GPR55: variants seen among roughly 807,000 people sequenced by gnomAD.
GPR55 encodes G protein-coupled receptor 55.
In GPR55, 6 loss-of-function variants were observed where a neutral mutation model predicts 7.9. The observed-to-expected ratio is 0.76, with a 90% CI of 0.41 to 1.49. The LOEUF (loss-of-function observed/expected upper bound fraction) is 1.49. GPR55 is among the 40% of genes most tolerant of loss of function. The pLI is 0.01. For missense variants in GPR55, 376 were observed against 406.0 expected, an observed-to-expected ratio of 0.93 and a Z score of 0.63; for synonymous variants, 183 against 166.8, an observed-to-expected ratio of 1.10 and a Z score of -0.75.
chr2:230,959,291 T>A (rs746050978), intron 1 of GPR55, among the ~76,000 whole-genome samples: 14 of 151,134 alleles, frequency 9.3e-5, no homozygotes, highest in Admixed American at 2.0e-4. Flanking sequence ...AGAAGAAAAA[T>A]TTAAAAATTA....
chr2:230,935,562 T>C (rs1691120214), intron 1 of GPR55, among the ~76,000 whole-genome samples: 1 of 152,132 alleles, frequency 6.6e-6, no homozygotes. Context: ...CCCATCCAGA[T>C]GTCAACACAC....
intron 1 of GPR55, among the ~76,000 whole-genome samples, chr2:230,932,838 C>T (rs1691070591): frequency 6.6e-6 from 1 of 152,160 alleles, no homozygotes; most frequent in Non-Finnish European, 1.5e-5. Context: ...TCTGCACATC[C>T]CTGTAGCTGT....
At position 230,919,312 on chromosome 2, in the gene GPR55, CA is replaced by C. The variant is rs961659512; in HGVS notation, c.-135+5855del. Among the ~76,000 whole-genome samples, 425 of 151,928 alleles carry C rather than the reference CA, an allele frequency of 2.8e-3. 1 individual carries two copies. Among genetic ancestry groups the C allele is most frequent in the African/African-American group, 9.5e-3 (394 of 41,478 alleles). ...AATAAACAGGACAGGTTTGACTGCACAAAAAAAATTCTTTTTGCTAAAAAGT... is the reference window on the plus strand; with the variant it reads ...AATAAACAGGACAGGTTTGACTGCACAAAAAAATTCTTTTTGCTAAAAAGT... On this transcript the variant is annotated intron_variant, in intron 1 of 1. Transcript: ENST00000650999.
upstream of GPR55, among the ~76,000 whole-genome samples, chr2:230,927,007 A>G (rs1349431735): frequency 6.6e-6 from 1 of 152,160 alleles, no homozygotes; most frequent in African/African-American, 2.4e-5. Context: ...ACCTTCTTTT[A>G]AGAAATGAAT....
In GPR55 at chr2:230,910,971, C is replaced by T; in HGVS notation, c.-9G>A. ...GTGTTTTGCTGACTCATGTTTCTTC[C>T]TACAACACCAACAGATCAGACGGGG... On this transcript the variant is annotated 5_prime_UTR_variant, in exon 2 of 2. Transcript: ENST00000650999. The surrounding 1 kb of genome is among the most constrained non-coding windows in gnomAD (Gnocchi z 5.4). 1 of 1,585,884 alleles carries T rather than the reference C, an allele frequency of 6.3e-7. No homozygotes were observed.
chr2:230,945,280 T>A (rs75749698), intron 1 of GPR55, among the ~76,000 whole-genome samples: 5,720 of 151,976 alleles, frequency 0.038, 407 homozygotes, highest in East Asian at 0.34. Context: ...GAGGACTGAG[T>A]TCCGGGAGGC....
intron 1 of GPR55, among the ~76,000 whole-genome samples, chr2:230,919,965 A>G (rs1356880578): frequency 6.6e-6 from 1 of 150,414 alleles, no homozygotes; most frequent in East Asian, 1.9e-4. Context: ...TTAAAATTAC[A>G]AAAACCCACG....
intron 1 of GPR55, among the ~76,000 whole-genome samples, chr2:230,934,744 C>T (rs1314686641): frequency 6.6e-6 from 1 of 152,064 alleles, no homozygotes; most frequent in African/African-American, 2.4e-5. Flanking sequence ...GGATGGGACT[C>T]CTGGGGGGAC....
intron 1 of GPR55, among the ~76,000 whole-genome samples, chr2:230,954,504 GTATATAT>G (rs1691451781): frequency 6.6e-6 from 1 of 152,196 alleles, no homozygotes; most frequent in Non-Finnish European, 1.5e-5. Context: ...AATAGTAGAT[GTATATAT>G]TTATGGGGTA....
At chr2:230,915,277 C>G (rs1259913090) in intron 1 of GPR55, among the ~76,000 whole-genome samples, 1 of 152,214 alleles carries the variant, frequency 6.6e-6, no homozygotes, top group African/African-American at 2.4e-5. Context: ...AAGGAGCCAT[C>G]CCAGTGCTGC....
At chr2:230,956,550 T>G (rs538410996) in intron 1 of GPR55, among the ~76,000 whole-genome samples, 1 of 152,184 alleles carries the variant, frequency 6.6e-6, no homozygotes, top group Non-Finnish European at 1.5e-5. Flanking sequence ...TCACTAAATA[T>G]ATATACATTT....
At chr2:230,960,281 C>T (rs1691548214) in intron 1 of GPR55, among the ~76,000 whole-genome samples, 1 of 152,050 alleles carries the variant, frequency 6.6e-6, no homozygotes, top group Non-Finnish European at 1.5e-5. Context: ...TTTAGACTGA[C>T]AAGATAAGAA....
chr2:230,931,094 G>C (rs1691031175), intron 1 of GPR55, among the ~76,000 whole-genome samples: 1 of 152,110 alleles, frequency 6.6e-6, no homozygotes, highest in African/African-American at 2.4e-5. Context: ...TTTGTCCTGA[G>C]AGCCTTACCC....
intron 1 of GPR55, among the ~76,000 whole-genome samples, chr2:230,954,200 G>A (rs143331403): frequency 6.6e-6 from 1 of 152,220 alleles, no homozygotes; most frequent in Non-Finnish European, 1.5e-5. Context: ...GGTGGACCAC[G>A]TGCATCCTTG....
chr2:230,924,722 A>T lies in GPR55; in HGVS notation c.-135+446T>A, dbSNP rs932941958. ...GTAAGCACTTGCTCAGGGCTGCAGGATGATCCCTGAGAGTGTGTCATCTCG... is the reference window on the plus strand; with the variant it reads ...GTAAGCACTTGCTCAGGGCTGCAGGTTGATCCCTGAGAGTGTGTCATCTCG... On this transcript the variant is annotated intron_variant, in intron 1 of 1. Transcript: ENST00000650999. The surrounding 1 kb of genome is among the most constrained non-coding windows in gnomAD (Gnocchi z 4.5). 2 of 152,032 alleles carry T rather than the reference A, an allele frequency of 1.3e-5. No homozygotes were observed. The highest frequency in any genetic ancestry group is 4.8e-5 in the African/African-American group (2 of 41,376). The allele number at this position is 152,032 out of a possible 1,614,324, so 9.4% of individuals were successfully genotyped here.
intron 1 of GPR55, among the ~76,000 whole-genome samples, chr2:230,938,413 A>AT (rs1225064643): frequency 7.0e-6 from 1 of 141,882 alleles, no homozygotes; most frequent in Non-Finnish European, 1.6e-5. Flanking sequence ...AAAAAAAAAA[A>AT]CAAAGAAAGA....
rs1361464716 is a variant in GPR55, at chr2:230,930,266, C to T, written c.-134-19170G>A. Among the ~76,000 whole-genome samples the T allele has an allele frequency of 2.0e-5, 3 of 152,304 alleles. No individual in the cohort carries two copies. The East Asian group carries it at 5.8e-4, about 29-fold the overall frequency. On this transcript the variant is annotated intron_variant, in intron 1 of 1. Coordinates refer to the GPR55 transcript ENST00000392039. Reference sequence around the variant, plus strand: ...GAAATACTTATTTTCTTTTATGTTTCCTGTTGCATAAAGTGTACTATTTCC... The same window carrying T: ...GAAATACTTATTTTCTTTTATGTTTTCTGTTGCATAAAGTGTACTATTTCC...
chr2:230,927,365 C>T (rs943734941), upstream of GPR55, among the ~76,000 whole-genome samples: 3 of 152,190 alleles, frequency 2.0e-5, no homozygotes, highest in Non-Finnish European at 4.4e-5. Flanking sequence ...TGCCAAGATA[C>T]GTCTCCAGAG....
At chr2:230,915,268 A>G (rs1690683206) in intron 1 of GPR55, among the ~76,000 whole-genome samples, 1 of 152,204 alleles carries the variant, frequency 6.6e-6, no homozygotes, top group South Asian at 2.1e-4. Context: ...ATAGCTGCCA[A>G]GGAGCCATCC....
Sources: allele counts gnomAD v4.1 joint callset (sites outside exome capture counted in the v4.1 genomes callset), GRCh38; gene constraint gnomAD v4.1.1; non-coding constraint Gnocchi (gnomAD v3.1); transcripts MANE v1.5; gene names NCBI Gene and HGNC (gene_info 2026-07-23, HGNC 2026-07-21).